ADAM11: variants seen among roughly 807,000 people sequenced by gnomAD.
ADAM11 encodes the protein disintegrin and metalloproteinase domain-containing protein 11.
ADAM11 carries 49 observed loss-of-function variants against 119.1 expected under a neutral mutation model. That is an observed-to-expected ratio of 0.41 (90% CI 0.33 to 0.52). ADAM11 has a LOEUF of 0.52. ADAM11 is among the 20% of genes least tolerant of loss of function. The probability of loss-of-function intolerance (pLI) is 0.20; values close to 1 mark genes in which losing one functional copy is unlikely to be tolerated. For missense variants in ADAM11, 777 were observed against 1,047.5 expected (o/e 0.74, Z 3.56); for synonymous variants, 364 against 408.0 (o/e 0.89, Z 1.30).
intron 2 of ADAM11, among the ~76,000 whole-genome samples, chr17:44,765,288 C>T (rs959703006): frequency 1.3e-5 from 2 of 152,134 alleles, no homozygotes; most frequent in South Asian, 4.1e-4. Context: ...CTCTCTGGCT[C>T]CTCCCCACTC....
At chr17:44,774,853 C>T in intron 14 of ADAM11, 104 bp downstream of exon 14, 1 of 1,357,140 alleles carries the variant, frequency 7.4e-7, no homozygotes, top group Non-Finnish European at 1.0e-6. Context: ...GCCCAGCTCA[C>T]AGAACCACTC....
At chr17:44,765,610 C>CTTTTTTTTTTTTTTTTTTTTTTTTTT (rs748123040) in intron 2 of ADAM11, among the ~76,000 whole-genome samples, 7 of 99,876 alleles carry the variant, frequency 7.0e-5, no homozygotes, top group Admixed American at 1.4e-4. Flanking sequence ...TTTCTTTTCT[C>CTTTTTTTTTTTTTTTTTTTTTTTTTT]TTTTTTTTTT....
rs1482119446 is a variant in ADAM11, at chr17:44,772,388, C to T, written c.611-11C>T. On this transcript the variant is annotated splice_polypyrimidine_tract_variant and intron_variant, in intron 7 of 26. Transcript: ENST00000200557. The surrounding 1 kb of genome is among the most constrained non-coding windows in gnomAD (Gnocchi z 4.5). ...GCCGGCTGTGCCCCCCTCACCTGCCCCTCCCCACAGGCTGCCTGTTTGCTG... is the reference window on the plus strand; with the variant it reads ...GCCGGCTGTGCCCCCCTCACCTGCCTCTCCCCACAGGCTGCCTGTTTGCTG... 3 of 1,579,318 alleles carry T rather than the reference C, an allele frequency of 1.9e-6. No homozygotes were observed.
At position 44,777,708 on chromosome 17, in the gene ADAM11, C is replaced by T. The variant is rs1255535579; in HGVS notation, c.1915C>T (p.Gln639Ter). The change falls in exon 23 of 27, where the codon CAG (glutamine) becomes TAG (stop). Residue 639 changes from glutamine to a stop codon, truncating the protein, a stop_gained. Transcript: ENST00000200557. LOFTEE classifies it high-confidence loss of function. The surrounding 1 kb of genome is among the most constrained non-coding windows in gnomAD (Gnocchi z 5.1). ...TCACTTCCCCAGGGGAGGCCACGTG[C>T]AGCTGGCGGACGGCTCTGACCTGAG... ...KELDCRGGHV[Q>*]LADGSDLSYV... 1 of 1,613,788 alleles carries T rather than the reference C, an allele frequency of 6.2e-7. No individual in the cohort carries two copies. Among genetic ancestry groups the T allele is most frequent in the Admixed American group, 1.7e-5 (1 of 60,018 alleles).
chr17:44,777,704 C>T lies in ADAM11; in HGVS notation c.1911C>T (p.His637=), dbSNP rs1021215820. The part of the protein sequence containing the change: ...QGKELDCRGG[H]VQLADGSDLS... ...TGTGTCACTTCCCCAGGGGAGGCCA[C>T]GTGCAGCTGGCGGACGGCTCTGACC... The change falls in exon 23 of 27, where the codon CAC becomes CAT. Residue 637 remains histidine (H), a synonymous_variant. Transcript: ENST00000200557. The surrounding 1 kb of genome is among the most constrained non-coding windows in gnomAD (Gnocchi z 5.1). 3.1e-6 allele frequency: 5 copies of T among 1,613,758 alleles called. No individual in the cohort carries two copies. Among genetic ancestry groups the T allele is most frequent in the East Asian group, 2.2e-5 (1 of 44,884 alleles).
In ADAM11 at chr17:44,779,135, G is replaced by A. The variant is rs372427740; in HGVS notation, c.2277-87G>A. On this transcript the variant is annotated intron_variant, in intron 25 of 26. Transcript: ENST00000200557. ...CGGCCCCGCTCTGGGGCAAGGGGTCGCATGGCAGCCAAAGGCCCCTCCCTG... is the reference window on the plus strand; with the variant it reads ...CGGCCCCGCTCTGGGGCAAGGGGTCACATGGCAGCCAAAGGCCCCTCCCTG... 5.3e-4 allele frequency: 806 copies of A among 1,519,716 alleles called. 1 individual carries two copies. The highest frequency in any genetic ancestry group is 6.6e-4 in the Non-Finnish European group (748 of 1,132,346). 94.1% of individuals were successfully genotyped at this position (1,519,716 alleles called of 1,614,324 possible).
Position 44,776,027 on chromosome 17 carries a change from G to A in ADAM11, c.1486-100G>A. On this transcript the variant is annotated intron_variant, in intron 17 of 26. Transcript: ENST00000200557. This position sits in a 1 kb window ranked among gnomAD's most constrained non-coding sequence, Gnocchi z 5.2. ...CCTGAAACGGGGCCCTGGGGAGCTG[G>A]AGGGCCCGGGGATGTGGGGGTCCAG... The A allele has an allele frequency of 1.5e-6, 2 of 1,371,716 alleles. No individual in the cohort carries two copies. Among genetic ancestry groups the A allele is most frequent in the Non-Finnish European group, 2.1e-6 (2 of 975,150 alleles). 85.0% of individuals were successfully genotyped at this position (1,371,716 alleles called of 1,614,324 possible). A position where few individuals can be genotyped will look rare whatever the true frequency, so the allele number is the denominator to read the frequency against.
Position 44,775,570 on chromosome 17 carries a change from C to T in ADAM11, c.1393-14C>T, listed in dbSNP as rs753215831. The T allele has an allele frequency of 1.4e-5, 22 of 1,563,390 alleles. No individual in the cohort carries two copies. In the Admixed American group the frequency reaches 2.4e-4, roughly 17 times the overall value. On this transcript the variant is annotated splice_polypyrimidine_tract_variant and intron_variant, in intron 16 of 26. Transcript: ENST00000200557. The surrounding 1 kb of genome is among the most constrained non-coding windows in gnomAD (Gnocchi z 7.5). Reference sequence around the variant, plus strand: ...GGCTCGCCCGCCTCCTTCCCCTCCTCCCGCGTCCCTCAGGAGTGCAGCCGC... The same window carrying T: ...GGCTCGCCCGCCTCCTTCCCCTCCTTCCGCGTCCCTCAGGAGTGCAGCCGC...
chr17:44,766,947 G>C (rs542853465), intron 2 of ADAM11, among the ~76,000 whole-genome samples: 1 of 152,228 alleles, frequency 6.6e-6, no homozygotes, highest in African/African-American at 2.4e-5. Flanking sequence ...GCTCAAGTCT[G>C]TAATCCTAGC....
rs756990676 is a variant in ADAM11, at chr17:44,774,575, C to T, written c.1161C>T (p.Ser387=). The T allele has an allele frequency of 6.2e-7, 1 of 1,612,972 alleles. No individual in the cohort carries two copies. ...NLGMMWNKHR[S]SAGDCKCPDI... The stretch of plus-strand genomic sequence containing the variant: ...GCATGATGTGGAACAAACACCGGAG[C>T]TCGGCAGGTATCCTCCCCCAGAGGC... The change falls in exon 13 of 27, where the codon AGC becomes AGT. Residue 387 remains serine (S), a synonymous_variant. Coordinates refer to ENST00000200557, the MANE Select transcript of ADAM11 (RefSeq NM_002390.6).
intron 2 of ADAM11, among the ~76,000 whole-genome samples, chr17:44,768,081 C>T (rs2049472846): frequency 6.6e-6 from 1 of 152,166 alleles, no homozygotes; most frequent in Admixed American, 6.5e-5. Flanking sequence ...GGTCAGAGAG[C>T]AGCATTGGGG....
chr17:44,777,698 A>C lies in ADAM11; in HGVS notation c.1905A>C (p.Gly635=). The change falls in exon 23 of 27, where the codon GGA becomes GGC. Residue 635 remains glycine, a synonymous_variant. Transcript: ENST00000200557. The surrounding 1 kb of genome is among the most constrained non-coding windows in gnomAD (Gnocchi z 5.1). ...YHQGKELDCR[G]GHVQLADGSD... Reference sequence around the variant, plus strand: ...GCTGGCTGTGTCACTTCCCCAGGGGAGGCCACGTGCAGCTGGCGGACGGCT... The same window carrying C: ...GCTGGCTGTGTCACTTCCCCAGGGGCGGCCACGTGCAGCTGGCGGACGGCT... The C allele has an allele frequency of 6.2e-7, 1 of 1,613,750 alleles. No individual in the cohort carries two copies. Among genetic ancestry groups the C allele is most frequent in the Non-Finnish European group, 8.5e-7 (1 of 1,179,824 alleles).
Position 44,778,238 on chromosome 17 carries a change from T to G in ADAM11, c.2272T>G (p.Phe758Val). ...AIVLGGTGWGFKNIRRGRSGG... is the reference protein window; with the variant it reads ...AIVLGGTGWGVKNIRRGRSGG... The stretch of plus-strand genomic sequence containing the variant: ...CGTCCTGGGCGGCACGGGCTGGGGA[T>G]TTAAGTAAGAGACACACACACCCTG... Residue 758 changes from phenylalanine (F) to valine (V), a missense_variant, in exon 25 of 27, where the codon TTT (phenylalanine) becomes GTT (valine). Physicochemically the swap from Phe to Val is conservative, Grantham distance 50. Transcript: ENST00000200557. 6.2e-7 allele frequency: 1 copy of G among 1,612,408 alleles called. No homozygotes were observed. The highest frequency in any genetic ancestry group is 8.5e-7 in the Non-Finnish European group (1 of 1,179,332).
At position 44,775,932 on chromosome 17, in the gene ADAM11, G is replaced by A. The variant is rs1403819984; in HGVS notation, c.1486-195G>A. On this transcript the variant is annotated intron_variant, in intron 17 of 26. Transcript: ENST00000200557. The surrounding 1 kb of genome is among the most constrained non-coding windows in gnomAD (Gnocchi z 7.5). Reference sequence around the variant, plus strand: ...CGGGAAGGTGGGCGGGCTTGGGGGCGGTGCTGAGTGCGCTGGGAGCGAGGT... The same window carrying A: ...CGGGAAGGTGGGCGGGCTTGGGGGCAGTGCTGAGTGCGCTGGGAGCGAGGT... Among the ~76,000 whole-genome samples the A allele has an allele frequency of 6.6e-6, 1 of 152,114 alleles. No homozygotes were observed. The highest frequency in any genetic ancestry group is 2.4e-5 in the African/African-American group (1 of 41,418).
chr17:44,775,999 A>G lies in ADAM11; in HGVS notation c.1486-128A>G. 9.3e-7 allele frequency: 1 copy of G among 1,077,212 alleles called. No individual in the cohort carries two copies. 66.7% of individuals were successfully genotyped at this position (1,077,212 alleles called of 1,614,324 possible). On this transcript the variant is annotated intron_variant, in intron 17 of 26. Coordinates refer to ENST00000200557, the MANE Select transcript of ADAM11 (RefSeq NM_002390.6). This position sits in a 1 kb window ranked among gnomAD's most constrained non-coding sequence, Gnocchi z 7.5. ...GTGGTGGGAGCAGGGAAATAAGAAC[A>G]GGCCTGAAACGGGGCCCTGGGGAGC...
At position 44,773,215 on chromosome 17, in the gene ADAM11, C is replaced by A. The variant is rs760421937; in HGVS notation, c.826-46C>A. ...CAGACAGGCCCTCCTCCAGCCCTGGCCCCAACACCCACTCCCACCCTCCAG... is the reference window on the plus strand; with the variant it reads ...CAGACAGGCCCTCCTCCAGCCCTGGACCCAACACCCACTCCCACCCTCCAG... On this transcript the variant is annotated intron_variant, in intron 10 of 26. Transcript: ENST00000200557. The surrounding 1 kb of genome is among the most constrained non-coding windows in gnomAD (Gnocchi z 4.6). 3.7e-6 allele frequency: 6 copies of A among 1,606,212 alleles called. No individual in the cohort carries two copies. Among genetic ancestry groups the A allele is most frequent in the Admixed American group, 3.3e-5 (2 of 59,892 alleles).
chr17:44,774,925 G>A (rs894620071), intron 14 of ADAM11, among the ~76,000 whole-genome samples, 176 bp downstream of exon 14: 11 of 152,214 alleles, frequency 7.2e-5, no homozygotes, highest in African/African-American at 2.7e-4. Flanking sequence ...TTTCCCTGCT[G>A]GGACACCAAA....
At chr17:44,774,820 G>A in intron 14 of ADAM11, 71 bp downstream of exon 14, 1 of 1,554,836 alleles carries the variant, frequency 6.4e-7, no homozygotes, top group Non-Finnish European at 8.7e-7. Flanking sequence ...TTGTTTGGCA[G>A]TCTGGACCAG....
At chr17:44,769,625 CT>C (rs112667715) in intron 2 of ADAM11, 92 bp from the exon 3 acceptor site, 3 of 827,772 alleles carry the variant, frequency 3.6e-6, no homozygotes, top group Non-Finnish European at 2.0e-6. Flanking sequence ...CTGGCCACCC[CT>C]TCCCCAGGGC....
Sources: allele counts gnomAD v4.1 joint callset (sites outside exome capture counted in the v4.1 genomes callset), GRCh38; gene constraint gnomAD v4.1.1; non-coding constraint Gnocchi (gnomAD v3.1); transcripts MANE v1.5; gene names NCBI Gene and HGNC (gene_info 2026-07-23, HGNC 2026-07-21).